SLC44A5: variants seen among roughly 807,000 people sequenced by gnomAD.
SLC44A5 encodes the protein choline transporter-like protein 5.
SLC44A5 carries 57 observed loss-of-function variants against 101.8 expected under a neutral mutation model. That is an observed-to-expected ratio of 0.56 (90% CI 0.45 to 0.70). The LOEUF is 0.70. Ranked by LOEUF, SLC44A5 falls within the 30% of genes least tolerant of loss-of-function variation. The probability of loss-of-function intolerance (pLI) is 0.00; values close to 1 mark genes in which losing one functional copy is unlikely to be tolerated. For synonymous variants in SLC44A5, 281 were observed against 290.9 expected (o/e 0.97, Z 0.35); for missense variants, 737 against 853.1 (o/e 0.86, Z 1.70).
chr1:75,405,442 C>G (rs959925985), intron 2 of SLC44A5, among the ~76,000 whole-genome samples: 23 of 152,154 alleles, frequency 1.5e-4, no homozygotes, highest in African/African-American at 5.1e-4. Context: ...CTAAAATTGA[C>G]CACATAATTG....
intron 2 of SLC44A5, among the ~76,000 whole-genome samples, chr1:75,523,987 T>C (rs1427872606): frequency 2.6e-5 from 4 of 152,218 alleles, no homozygotes; most frequent in African/African-American, 9.6e-5. Context: ...TTAAGACCAA[T>C]TGATGACATT....
intron 2 of SLC44A5, among the ~76,000 whole-genome samples, chr1:75,458,972 AG>A (rs1666342363): frequency 6.6e-6 from 1 of 152,188 alleles, no homozygotes; most frequent in South Asian, 2.1e-4. Flanking sequence ...TTCAAGAAAG[AG>A]GTTCAAGTAA....
At chr1:75,383,179 T>C (rs1661021605) in intron 3 of SLC44A5, among the ~76,000 whole-genome samples, 1 of 89,176 alleles carries the variant, frequency 1.1e-5, no homozygotes, top group Non-Finnish European at 2.3e-5. Flanking sequence ...ACATTGTCTA[T>C]GATGCAAAGA....
chr1:75,516,495 G>A (rs1022529547), intron 2 of SLC44A5, among the ~76,000 whole-genome samples: 1 of 151,810 alleles, frequency 6.6e-6, no homozygotes, highest in African/African-American at 2.4e-5. Flanking sequence ...CCAGCCTGGG[G>A]GACAGAGCAA....
At chr1:75,577,279 C>CT (rs1673423462) in intron 1 of SLC44A5, among the ~76,000 whole-genome samples, 1 of 152,178 alleles carries the variant, frequency 6.6e-6, no homozygotes, top group South Asian at 2.1e-4. Context: ...GTTAAAATGT[C>CT]TTTTCTCAAA....
At chr1:75,361,173 G>A (rs1659463477) in intron 3 of SLC44A5, among the ~76,000 whole-genome samples, 1 of 151,930 alleles carries the variant, frequency 6.6e-6, no homozygotes, top group African/African-American at 2.4e-5. Flanking sequence ...CAACTTTTCT[G>A]AATTCATTTA....
chr1:75,557,844 C>T (rs192852425), intron 1 of SLC44A5, among the ~76,000 whole-genome samples: 12 of 152,138 alleles, frequency 7.9e-5, no homozygotes, highest in Admixed American at 6.6e-4. Context: ...GTGTTAATGG[C>T]TATTTATGAC....
At chr1:75,346,671 C>G (rs953630184) in intron 3 of SLC44A5, among the ~76,000 whole-genome samples, 1 of 152,016 alleles carries the variant, frequency 6.6e-6, no homozygotes, top group Non-Finnish European at 1.5e-5. Flanking sequence ...AGTCTGGAAG[C>G]AAACAAGAAC....
At chr1:75,557,958 A>C (rs1180339879) in intron 1 of SLC44A5, among the ~76,000 whole-genome samples, 1 of 152,124 alleles carries the variant, frequency 6.6e-6, no homozygotes, top group Non-Finnish European at 1.5e-5. Flanking sequence ...ACATTCCAAA[A>C]ACATACGGAG....
intron 1 of SLC44A5, among the ~76,000 whole-genome samples, chr1:75,598,137 C>T (rs1261686754): frequency 1.3e-5 from 2 of 151,944 alleles, no homozygotes; most frequent in African/African-American, 4.8e-5. Context: ...TATGAACAGA[C>T]ACTTTTCAAA....
At chr1:75,585,901 C>T (rs1265971089) in intron 1 of SLC44A5, among the ~76,000 whole-genome samples, 1 of 152,166 alleles carries the variant, frequency 6.6e-6, no homozygotes, top group East Asian at 1.9e-4. Flanking sequence ...CAAGAATTGC[C>T]TTTCCAACAA....
At chr1:75,703,271 C>A in the SLC44A5 span, among the ~76,000 whole-genome samples, 1 of 151,734 alleles carries the variant, frequency 6.6e-6, no homozygotes, top group African/African-American at 2.4e-5. Context: ...AAATGTCCAA[C>A]GATGATAGAC....
At chr1:75,579,099 G>A (rs1673535375) in intron 1 of SLC44A5, among the ~76,000 whole-genome samples, 1 of 152,102 alleles carries the variant, frequency 6.6e-6, no homozygotes, top group Non-Finnish European at 1.5e-5. Context: ...AAAATCCACA[G>A]TTTAAATTGC....
At chr1:75,468,216 G>A (rs1666925248) in intron 2 of SLC44A5, among the ~76,000 whole-genome samples, 1 of 152,094 alleles carries the variant, frequency 6.6e-6, no homozygotes, top group Non-Finnish European at 1.5e-5. Context: ...ATACACTGTT[G>A]GTGGGAATGT....
chr1:75,586,003 T>C (rs1246637489), intron 1 of SLC44A5, among the ~76,000 whole-genome samples: 1 of 152,158 alleles, frequency 6.6e-6, no homozygotes, highest in African/African-American at 2.4e-5. Flanking sequence ...ATTTTACAGG[T>C]CAACTTGACT....
the SLC44A5 span, among the ~76,000 whole-genome samples, chr1:75,666,634 A>C: frequency 2.6e-5 from 4 of 152,150 alleles, no homozygotes; most frequent in Admixed American, 6.5e-5. Context: ...GAGACACAAC[A>C]AAAAAATAAA....
At position 75,346,425 on chromosome 1, in the gene SLC44A5, C is replaced by T. The variant is rs947456809; in HGVS notation, c.53-6795G>A. On this transcript the variant is annotated intron_variant, in intron 3 of 23. Transcript: ENST00000370859. ...TTAGAAGTAACAACTAAAAGAAGCA[C>T]CTCAAAAGAAAAAATATATAAAGCA... 4.6e-5 allele frequency among the ~76,000 whole-genome samples: 7 copies of T among 152,094 alleles called. No individual in the cohort carries two copies. The South Asian group carries it at 6.2e-4, about 14-fold the overall frequency.
the SLC44A5 span, among the ~76,000 whole-genome samples, chr1:75,624,275 A>G: frequency 1.3e-5 from 2 of 152,162 alleles, no homozygotes; most frequent in African/African-American, 4.8e-5. Flanking sequence ...CTATTTTTAG[A>G]AGAATATGAG....
chr1:75,677,430 A>G, the SLC44A5 span, among the ~76,000 whole-genome samples: 1 of 152,216 alleles, frequency 6.6e-6, no homozygotes, highest in Non-Finnish European at 1.5e-5. Context: ...AATGGCTTAT[A>G]CTATTTGTAA....
Sources: allele counts gnomAD v4.1 joint callset (sites outside exome capture counted in the v4.1 genomes callset), GRCh38; gene constraint gnomAD v4.1.1; transcripts MANE v1.5; gene names NCBI Gene and HGNC (gene_info 2026-07-23, HGNC 2026-07-21).